RSPO4: variants seen among roughly 807,000 people sequenced by gnomAD.
RSPO4 encodes R-spondin 4.
Under a neutral mutation model 24.8 loss-of-function variants are expected in RSPO4, and 23 were observed. That is an observed-to-expected ratio of 0.93 (90% CI 0.67 to 1.31). The LOEUF (loss-of-function observed/expected upper bound fraction) is 1.31. RSPO4 is among the 40% of genes most tolerant of loss of function. The pLI is 0.00. For missense variants in RSPO4, 333 were observed against 316.5 expected, an observed-to-expected ratio of 1.05 and a Z score of -0.39; for synonymous variants, 141 against 127.4, an observed-to-expected ratio of 1.11 and a Z score of -0.72.
Position 975,062 on chromosome 20 carries a change from C to T in RSPO4, c.80-6924G>A, listed in dbSNP as rs147702612. On this transcript the variant is annotated intron_variant, in intron 1 of 4. Transcript: ENST00000217260. ...CTTGGCTTGTCCCATAGCTCCAAAT[C>T]CAGTGACTTTTTCACTTGAGCTGGT... Among the ~76,000 whole-genome samples the T allele has an allele frequency of 1.6e-3, 251 of 152,296 alleles. 1 individual carries two copies. Among genetic ancestry groups the T allele is most frequent in the Middle Eastern group, 6.8e-3 (2 of 294 alleles).
At chr20:994,416 A>C (rs1285700589) in intron 1 of RSPO4, among the ~76,000 whole-genome samples, 1 of 144,554 alleles carries the variant, frequency 6.9e-6, no homozygotes, top group Non-Finnish European at 1.5e-5. Flanking sequence ...CACACAGCCA[A>C]ACCTCAGACC....
At chr20:961,509 G>A (rs1983997435) in intron 4 of RSPO4, among the ~76,000 whole-genome samples, 1 of 152,206 alleles carries the variant, frequency 6.6e-6, no homozygotes, top group Admixed American at 6.5e-5. Flanking sequence ...CCTCTGCAGA[G>A]CAGAGTCAAG....
chr20:962,739 G>C (rs499017), intron 4 of RSPO4, among the ~76,000 whole-genome samples: 11,159 of 152,240 alleles, frequency 0.073, 584 homozygotes, highest in African/African-American at 0.14. Flanking sequence ...CTATGTCCCA[G>C]CTGGGTGCCC....
intron 1 of RSPO4, among the ~76,000 whole-genome samples, chr20:990,948 G>A (rs573708270): frequency 1.3e-5 from 2 of 152,202 alleles, no homozygotes; most frequent in Non-Finnish European, 2.9e-5. Context: ...AGGAAGGGGC[G>A]TGGACAGAGG....
chr20:995,474 C>G (rs903479985), intron 1 of RSPO4, among the ~76,000 whole-genome samples: 2 of 152,188 alleles, frequency 1.3e-5, no homozygotes, highest in Non-Finnish European at 2.9e-5. Flanking sequence ...CAATGTCTGC[C>G]ACGCCCTGGC....
At chr20:964,740 A>G (rs1051369504) in intron 3 of RSPO4, among the ~76,000 whole-genome samples, 1 of 149,560 alleles carries the variant, frequency 6.7e-6, no homozygotes, top group Non-Finnish European at 1.5e-5. Context: ...ATACACACAC[A>G]CACATATATA....
At chr20:978,138 T>TG (rs1332584927) in intron 1 of RSPO4, among the ~76,000 whole-genome samples, 2 of 151,798 alleles carry the variant, frequency 1.3e-5, no homozygotes, top group Admixed American at 1.3e-4. Context: ...ACTCAGGAGG[T>TG]GGGGGGACCA....
intron 3 of RSPO4, among the ~76,000 whole-genome samples, chr20:966,836 AGAGT>A (rs1484735914): frequency 6.6e-6 from 1 of 152,164 alleles, no homozygotes; most frequent in Non-Finnish European, 1.5e-5. Context: ...GCTGGGCAAC[AGAGT>A]GAGACCCTAT....
Position 990,911 on chromosome 20 carries a change from T to G in RSPO4, c.79+11175A>C, listed in dbSNP as rs562827079. On this transcript the variant is annotated intron_variant, in intron 1 of 4. Transcript: ENST00000217260. ...ACATGCTCCGCAGATGCGTGCCAAC[T>G]GCAGGCTGTGATCCTAGGGCACAGT... 5.3e-5 allele frequency among the ~76,000 whole-genome samples: 8 copies of G among 152,312 alleles called. No individual in the cohort carries two copies. In the East Asian group the frequency reaches 1.4e-3, roughly 26 times the overall value.
chr20:962,581 G>A (rs1194201631), intron 4 of RSPO4, among the ~76,000 whole-genome samples: 2 of 152,042 alleles, frequency 1.3e-5, no homozygotes, highest in Admixed American at 1.3e-4. Context: ...GGGTCTCTTA[G>A]GTTCTCTGGT....
chr20:986,105 T>C (rs1884115), intron 1 of RSPO4, among the ~76,000 whole-genome samples: 43,541 of 152,192 alleles, frequency 0.29, 10,125 homozygotes, highest in African/African-American at 0.64. Flanking sequence ...ATGAGGCTGT[T>C]GAAGTGGGGA....
intron 1 of RSPO4, among the ~76,000 whole-genome samples, chr20:982,106 A>C (rs1984754728): frequency 6.6e-6 from 1 of 152,182 alleles, no homozygotes; most frequent in Non-Finnish European, 1.5e-5. Context: ...ATTCCTCATC[A>C]TTCGGCAAGC....
intron 4 of RSPO4, among the ~76,000 whole-genome samples, chr20:960,810 C>T (rs890264728): frequency 3.9e-5 from 6 of 152,302 alleles, no homozygotes; most frequent in African/African-American, 7.2e-5. Flanking sequence ...TGGCTTTCCC[C>T]GGCACACTCC....
chr20:982,574 G>C (rs1389538544), intron 1 of RSPO4, among the ~76,000 whole-genome samples: 2 of 152,212 alleles, frequency 1.3e-5, no homozygotes, highest in Non-Finnish European at 2.9e-5. Context: ...GGTGCTCAGT[G>C]AGTACTTGCC....
intron 1 of RSPO4, among the ~76,000 whole-genome samples, chr20:1,000,069 A>C (rs1197850492): frequency 6.6e-6 from 1 of 151,940 alleles, no homozygotes; most frequent in Non-Finnish European, 1.5e-5. Flanking sequence ...GGGTTTCATC[A>C]TGTTAGCCAG....
intron 1 of RSPO4, among the ~76,000 whole-genome samples, chr20:974,749 C>T (rs1984509893): frequency 6.6e-6 from 1 of 152,072 alleles, no homozygotes. Context: ...GAGGGAAGAG[C>T]CTCTGGAGAA....
intron 1 of RSPO4, among the ~76,000 whole-genome samples, chr20:991,183 CTCCCACCTCA>C (rs1985089849): frequency 6.6e-6 from 1 of 152,224 alleles, no homozygotes; most frequent in Admixed American, 6.5e-5. Flanking sequence ...TCAAGCCATC[CTCCCACCTCA>C]GCCCCGTGAG....
intron 1 of RSPO4, among the ~76,000 whole-genome samples, chr20:971,981 G>A (rs142400883): frequency 3.9e-5 from 6 of 152,278 alleles, no homozygotes; most frequent in Admixed American, 6.5e-5. Context: ...CGTGGGACCC[G>A]GGTTCCAAGA....
intron 1 of RSPO4, among the ~76,000 whole-genome samples, chr20:997,817 A>G (rs1298660750): frequency 6.6e-6 from 1 of 152,164 alleles, no homozygotes; most frequent in Non-Finnish European, 1.5e-5. Context: ...ATAAAGAAAA[A>G]CAAGCTCAGA....
Sources: allele counts gnomAD v4.1 joint callset (sites outside exome capture counted in the v4.1 genomes callset), GRCh38; gene constraint gnomAD v4.1.1; transcripts MANE v1.5; gene names NCBI Gene and HGNC (gene_info 2026-07-23, HGNC 2026-07-21).